ADCY8: variants seen among roughly 807,000 people sequenced by gnomAD.
ADCY8 encodes adenylate cyclase type 8.
ADCY8 carries 51 observed loss-of-function variants against 119.7 expected under a neutral mutation model. That is an observed-to-expected ratio of 0.43 (90% confidence interval 0.34 to 0.54). ADCY8 has a LOEUF of 0.54. ADCY8 is among the 20% of genes least tolerant of loss of function. The pLI is 0.03. For missense variants in ADCY8, 1,383 were observed against 1,598.8 expected, an observed-to-expected ratio of 0.87 and a Z score of 2.30; for synonymous variants, 665 against 651.0, an observed-to-expected ratio of 1.02 and a Z score of -0.33.
At chr8:131,033,483 A>G (rs1824055475) in intron 1 of ADCY8, among the ~76,000 whole-genome samples, 7 of 152,194 alleles carry the variant, frequency 4.6e-5, no homozygotes, top group Admixed American at 4.6e-4. Flanking sequence ...CTCTAGAAGC[A>G]AAGTCCTCCC....
At chr8:130,838,781 A>G (rs1395545981) in intron 11 of ADCY8, among the ~76,000 whole-genome samples, 1 of 141,520 alleles carries the variant, frequency 7.1e-6, no homozygotes, top group African/African-American at 2.4e-5. Flanking sequence ...AAGGAGAGTA[A>G]GAGATGGCCC....
At chr8:130,909,216 G>A (rs1048708708) in intron 6 of ADCY8, among the ~76,000 whole-genome samples, 4 of 152,164 alleles carry the variant, frequency 2.6e-5, no homozygotes, top group African/African-American at 7.2e-5. Flanking sequence ...CACCTTTGGG[G>A]ATCCTATGTC....
chr8:131,003,251 A>G (rs1823011709), intron 1 of ADCY8, among the ~76,000 whole-genome samples: 1 of 139,728 alleles, frequency 7.2e-6, no homozygotes, highest in Admixed American at 6.9e-5. Context: ...AACATTAAGG[A>G]AGAAGTAAAA....
intron 1 of ADCY8, among the ~76,000 whole-genome samples, chr8:131,011,156 A>G (rs1215251895): frequency 7.1e-6 from 1 of 141,544 alleles, no homozygotes; most frequent in Non-Finnish European, 1.5e-5. Flanking sequence ...AAAGGTGCAT[A>G]TTAAAAGTTT....
chr8:130,864,495 T>C (rs1042490841), intron 9 of ADCY8, among the ~76,000 whole-genome samples: 44 of 152,294 alleles, frequency 2.9e-4, no homozygotes, highest in African/African-American at 1.0e-3. Flanking sequence ...TTTCTTCTTT[T>C]GAAATCATCC....
intron 8 of ADCY8, among the ~76,000 whole-genome samples, chr8:130,884,071 T>C (rs1818885345): frequency 6.6e-6 from 1 of 152,232 alleles, no homozygotes; most frequent in Middle Eastern, 3.4e-3. Flanking sequence ...CTACTATGCC[T>C]AGGTCAGAAG....
chr8:130,871,413 C>G (rs1178044252), intron 8 of ADCY8, among the ~76,000 whole-genome samples: 1 of 152,086 alleles, frequency 6.6e-6, no homozygotes, highest in Non-Finnish European at 1.5e-5. Context: ...AATCTTTAAG[C>G]TTTCTATGTC....
intron 2 of ADCY8, among the ~76,000 whole-genome samples, chr8:130,959,600 G>A (rs1312918933): frequency 3.9e-5 from 6 of 152,192 alleles, no homozygotes; most frequent in Non-Finnish European, 8.8e-5. Context: ...AATTACATCT[G>A]TAACAAGTTA....
At chr8:130,823,936 C>A (rs185675700) in intron 12 of ADCY8, among the ~76,000 whole-genome samples, 1 of 152,208 alleles carries the variant, frequency 6.6e-6, no homozygotes, top group East Asian at 1.9e-4. Flanking sequence ...TAATTAAGTA[C>A]CTTTTGTGCA....
At chr8:130,913,609 C>A (rs73717236) in intron 5 of ADCY8, among the ~76,000 whole-genome samples, 1 of 152,108 alleles carries the variant, frequency 6.6e-6, no homozygotes, top group Admixed American at 6.6e-5. Context: ...AGCCTTCTAA[C>A]CAGGGTCCTT....
At chr8:130,952,566 T>C (rs1004370405) in intron 2 of ADCY8, among the ~76,000 whole-genome samples, 5 of 152,232 alleles carry the variant, frequency 3.3e-5, no homozygotes, top group Non-Finnish European at 7.3e-5. Flanking sequence ...AGCTAGATCT[T>C]GCAGGTGAGC....
intron 2 of ADCY8, among the ~76,000 whole-genome samples, chr8:130,980,537 A>T (rs1435971786): frequency 6.6e-6 from 1 of 152,248 alleles, no homozygotes; most frequent in African/African-American, 2.4e-5. Flanking sequence ...TTAACTGCTC[A>T]TAATTATTAC....
chr8:130,780,982 GAT>G, intron 17 of ADCY8, 105 bp from the exon 18 acceptor site: 1 of 1,454,426 alleles, frequency 6.9e-7, no homozygotes, highest in South Asian at 1.3e-5. Flanking sequence ...GGTCTCTGTG[GAT>G]GAACGGGAGG....
intron 3 of ADCY8, among the ~76,000 whole-genome samples, chr8:130,950,854 C>A (rs939155499): frequency 1.3e-5 from 2 of 152,162 alleles, no homozygotes; most frequent in African/African-American, 4.8e-5. Context: ...CATGCACCAC[C>A]ATACTCAGCT....
At chr8:130,841,801 T>A (rs557858711) in intron 11 of ADCY8, among the ~76,000 whole-genome samples, 1 of 152,338 alleles carries the variant, frequency 6.6e-6, no homozygotes, top group South Asian at 2.1e-4. Flanking sequence ...CACTATAGTT[T>A]AAAGAAATCA....
intron 15 of ADCY8, among the ~76,000 whole-genome samples, chr8:130,791,785 G>A (rs1442839694): frequency 2.0e-5 from 3 of 152,196 alleles, no homozygotes; most frequent in Non-Finnish European, 2.9e-5. Context: ...GAGCCCCACA[G>A]GTGTTTACAG....
chr8:130,922,208 C>CTT (rs751799584), intron 5 of ADCY8, among the ~76,000 whole-genome samples: 29 of 129,046 alleles, frequency 2.2e-4, no homozygotes, highest in African/African-American at 7.4e-4. Context: ...AATTCCCTTT[C>CTT]TTTTTTTTTT....
intron 8 of ADCY8, 59 bp downstream of exon 8, chr8:130,884,505 C>A: frequency 6.4e-7 from 1 of 1,571,598 alleles, no homozygotes. Flanking sequence ...CTCTCTAGTC[C>A]CATGAACATC....
At chr8:130,995,122 T>C (rs982078403) in intron 1 of ADCY8, among the ~76,000 whole-genome samples, 1 of 152,248 alleles carries the variant, frequency 6.6e-6, no homozygotes, top group Non-Finnish European at 1.5e-5. Flanking sequence ...ACAATATTTC[T>C]ACTCATGAGT....
Sources: allele counts gnomAD v4.1 joint callset (sites outside exome capture counted in the v4.1 genomes callset), GRCh38; gene constraint gnomAD v4.1.1; transcripts MANE v1.5; gene names NCBI Gene and HGNC (gene_info 2026-07-23, HGNC 2026-07-21).